NOMO1: variants seen among roughly 807,000 people sequenced by gnomAD.
NOMO1 encodes nodal modulator 3.
A neutral mutation model predicts 133.8 loss-of-function variants in NOMO1; 40 were observed. The ratio of observed to expected loss-of-function variants is 0.30; its 90% CI spans 0.23 to 0.39. NOMO1 has a LOEUF of 0.39. NOMO1 is among the 10% of genes least tolerant of loss of function. The pLI, the probability that NOMO1 is intolerant of heterozygous loss-of-function variation, is 1.00. For synonymous variants in NOMO1, 236 were observed against 570.5 expected, an observed-to-expected ratio of 0.41 and a Z score of 8.36; for missense variants, 462 against 1,419.9, an observed-to-expected ratio of 0.33 and a Z score of 10.84.
At chr16:14,884,574 T>C in intron 27 of NOMO1, 92 bp downstream of exon 27, 5 of 1,589,720 alleles carry the variant, frequency 3.1e-6, no homozygotes, top group Non-Finnish European at 8.6e-7. Context: ...GCCTGTCTCG[T>C]GCCTTAGGTG....
chr16:14,854,729 TAAAG>T (rs1358693002), intron 9 of NOMO1, among the ~76,000 whole-genome samples: 6 of 139,828 alleles, frequency 4.3e-5, no homozygotes, highest in Middle Eastern at 3.6e-3. Context: ...TCTAGAAAAA[TAAAG>T]GAAGAAAGGA....
Position 14,876,769 on chromosome 16 carries a change from C to A in NOMO1, c.2622C>A (p.Ala874=), listed in dbSNP as rs548365253. 44 of 1,610,498 alleles carry A rather than the reference C, an allele frequency of 2.7e-5. No homozygotes were observed. The South Asian group carries it at 4.8e-4, about 18-fold the overall frequency. ...EGTIGDFKAY[A]LAGVSFEIKA... ...CCATCGGAGACTTCAAGGCCTATGC[C>A]CTGGCAGGCGTAAGCTTTGAGGTAA... Residue 874 remains alanine, a synonymous_variant, in exon 22 of 31, where the codon GCC becomes GCA. Coordinates refer to ENST00000287667, the MANE Select transcript of NOMO1 (RefSeq NM_014287.4).
intron 23 of NOMO1, among the ~76,000 whole-genome samples, chr16:14,879,099 C>T (rs1223584722): frequency 1.3e-5 from 2 of 151,928 alleles, no homozygotes; most frequent in African/African-American, 2.4e-5. Flanking sequence ...CTGGCCACAA[C>T]GGCTGCTCTC....
intron 15 of NOMO1, among the ~76,000 whole-genome samples, chr16:14,867,176 A>ATTTTTTTTTTTTTTT (rs1174703237): frequency 1.3e-4 from 1 of 7,476 alleles, no homozygotes; most frequent in Admixed American, 3.8e-3. Flanking sequence ...ATATATATAT[A>ATTTTTTTTTTTTTTT]TTTTTTTTTT....
rs1248021733 is a variant in NOMO1 at position 14,856,930 on chromosome 16, T to TG, written c.964-281dup. The stretch of plus-strand genomic sequence containing the variant: ...GGAGGAGATGGCACCGGGGTAAGGG[T>TG]GGGGGGCTTCTAGAAGCTTGAGTCA... On this transcript the variant is annotated intron_variant, in intron 9 of 30. Transcript: ENST00000287667. Among the ~76,000 whole-genome samples the TG allele has an allele frequency of 4.0e-5, 6 of 150,986 alleles. 1 individual carries two copies. In the South Asian group the frequency reaches 8.4e-4, roughly 21 times the overall value.
chr16:14,870,914 AAAAC>A (rs1464127957), intron 16 of NOMO1, among the ~76,000 whole-genome samples: 2 of 150,418 alleles, frequency 1.3e-5, no homozygotes, highest in Non-Finnish European at 3.0e-5. Context: ...AAGACCAAAC[AAAAC>A]AAACAGAGAA....
chr16:14,855,773 G>A (rs931747723), intron 9 of NOMO1, among the ~76,000 whole-genome samples: 1 of 152,058 alleles, frequency 6.6e-6, no homozygotes, highest in African/African-American at 2.4e-5. Flanking sequence ...TAAGTTCCCT[G>A]AGGTCAGGTA....
In NOMO1 at chr16:14,866,803, C is replaced by G. The variant is rs1964002824; in HGVS notation, c.1806+112C>G. On this transcript the variant is annotated intron_variant, in intron 15 of 30. Transcript: ENST00000287667. ...ACGTAGGCAAGTTAGATTTCCTTTT[C>G]TGCCTCTCCACTCGCCCACCTGTTA... 1.9e-6 allele frequency: 3 copies of G among 1,604,792 alleles called. No individual in the cohort carries two copies. The Admixed American group carries it at 5.0e-5, about 27-fold the overall frequency.
intron 7 of NOMO1, chr16:14,852,906 G>C (rs573648840): frequency 2.6e-4 from 63 of 246,884 alleles, no homozygotes; most frequent in African/African-American, 1.2e-3. Flanking sequence ...GGGAGGCTGA[G>C]GCAGTAGAAT....
chr16:14,867,796 A>G (rs1195743489), intron 15 of NOMO1, among the ~76,000 whole-genome samples: 1 of 148,930 alleles, frequency 6.7e-6, no homozygotes, highest in Non-Finnish European at 1.5e-5. Context: ...TTGTTATAGG[A>G]GATCGATTAA....
chr16:14,864,841 C>A, intron 13 of NOMO1, 115 bp downstream of exon 13: 1 of 1,507,286 alleles, frequency 6.6e-7, no homozygotes. Context: ...CACCTGCGTG[C>A]GAGGGAGGCT....
chr16:14,859,645 T>A (rs906417208), intron 11 of NOMO1, among the ~76,000 whole-genome samples: 32 of 151,694 alleles, frequency 2.1e-4, no homozygotes, highest in Admixed American at 1.6e-3. Flanking sequence ...CAAAACACCA[T>A]CTCTACCAAA....
intron 11 of NOMO1, among the ~76,000 whole-genome samples, chr16:14,861,712 T>G (rs940198395): frequency 4.0e-5 from 6 of 151,444 alleles, no homozygotes; most frequent in Non-Finnish European, 7.4e-5. Context: ...CCATACGGTC[T>G]CTAGGACAAC....
intron 16 of NOMO1, among the ~76,000 whole-genome samples, chr16:14,871,044 T>C (rs1261385440): frequency 5.4e-5 from 8 of 148,604 alleles, no homozygotes; most frequent in Admixed American, 2.0e-4. Context: ...GGCCAAAATA[T>C]TGGTTAATGA....
chr16:14,864,360 A>G (rs1394028012), intron 12 of NOMO1, among the ~76,000 whole-genome samples: 1 of 151,956 alleles, frequency 6.6e-6, no homozygotes, highest in Non-Finnish European at 1.5e-5. Flanking sequence ...ACTTTTGTTC[A>G]TACACATCGG....
At chr16:14,834,456 C>T (rs1963472250) in intron 1 of NOMO1, among the ~76,000 whole-genome samples, 1 of 145,612 alleles carries the variant, frequency 6.9e-6, no homozygotes, top group Admixed American at 7.0e-5. Context: ...AGCCCAGAAC[C>T]CCCCGAAGTT....
chr16:14,839,776 C>G (rs1963578066), intron 2 of NOMO1, among the ~76,000 whole-genome samples: 2 of 151,440 alleles, frequency 1.3e-5, no homozygotes, highest in Non-Finnish European at 2.9e-5. Context: ...GAGTGTCACT[C>G]TGTCAGCCAG....
chr16:14,861,882 T>C (rs1309857275), intron 11 of NOMO1, among the ~76,000 whole-genome samples: 1 of 143,048 alleles, frequency 7.0e-6, no homozygotes, highest in Non-Finnish European at 1.5e-5. Context: ...TAAAATTCTT[T>C]TTCTCGGCTT....
intron 4 of NOMO1, among the ~76,000 whole-genome samples, chr16:14,845,902 C>G (rs1228991173): frequency 6.6e-6 from 1 of 151,766 alleles, no homozygotes; most frequent in Admixed American, 6.6e-5. Context: ...GTCTCTCTCA[C>G]CACAACCTCC....
Sources: allele counts gnomAD v4.1 joint callset (sites outside exome capture counted in the v4.1 genomes callset), GRCh38; gene constraint gnomAD v4.1.1; transcripts MANE v1.5; gene names NCBI Gene and HGNC (gene_info 2026-07-23, HGNC 2026-07-21).